Variants in TMCC1 observed in about 807,000 individuals in gnomAD.
TMCC1 encodes the protein transmembrane and coiled-coil domains protein 1.
TMCC1 carries 15 observed loss-of-function variants against 52.4 expected under a neutral mutation model. That is an observed-to-expected ratio of 0.29 (90% CI 0.19 to 0.44). The LOEUF is 0.44. Among genes scored for constraint, TMCC1 ranks in the 20% least tolerant of loss-of-function variants. TMCC1 has a pLI of 1.00. For missense variants in TMCC1, 503 were observed against 806.0 expected (o/e 0.62, Z 4.55); for synonymous variants, 279 against 301.9 (o/e 0.92, Z 0.79).
intron 4 of TMCC1, among the ~76,000 whole-genome samples, chr3:129,714,667 C>T (rs1039686999): frequency 4.6e-5 from 7 of 152,052 alleles, no homozygotes; most frequent in Admixed American, 1.3e-4. Flanking sequence ...TAAAAAGATA[C>T]CTAGATTTTT....
At chr3:129,868,991 AG>A (rs1553897321) in intron 2 of TMCC1, 1 of 152,054 alleles carries the variant, frequency 6.6e-6, no homozygotes, top group Non-Finnish European at 1.5e-5. Flanking sequence ...TAAAACCCTT[AG>A]GTTTTCCTCA....
intron 4 of TMCC1, among the ~76,000 whole-genome samples, chr3:129,770,905 G>C (rs969081527): frequency 3.9e-5 from 6 of 152,174 alleles, no homozygotes; most frequent in African/African-American, 1.4e-4. Context: ...TCCCTAAACA[G>C]TCATAATTAA....
intron 4 of TMCC1, among the ~76,000 whole-genome samples, chr3:129,769,292 C>T (rs1415369721): frequency 6.6e-6 from 1 of 152,140 alleles, no homozygotes; most frequent in African/African-American, 2.4e-5. Flanking sequence ...TGCAGTGGTG[C>T]GAACTCGGCT....
intron 6 of TMCC1, among the ~76,000 whole-genome samples, chr3:129,652,484 A>G (rs910936505): frequency 6.6e-6 from 1 of 152,204 alleles, no homozygotes; most frequent in Non-Finnish European, 1.5e-5. Context: ...GTGAAAATAG[A>G]GATCATAAGA....
chr3:129,798,007 T>C (rs1303654696), intron 4 of TMCC1, among the ~76,000 whole-genome samples: 6 of 151,228 alleles, frequency 4.0e-5, no homozygotes, highest in South Asian at 2.1e-4. Context: ...TTTTCTTTTT[T>C]TTTTTGAGAC....
intron 4 of TMCC1, among the ~76,000 whole-genome samples, chr3:129,791,315 G>A (rs1560427044): frequency 1.3e-5 from 2 of 152,022 alleles, no homozygotes; most frequent in Admixed American, 6.5e-5. Context: ...GGATGGTCTC[G>A]ATCTCCTGAC....
At chr3:129,659,261 G>A (rs2086869484) in intron 5 of TMCC1, among the ~76,000 whole-genome samples, 1 of 151,414 alleles carries the variant, frequency 6.6e-6, no homozygotes, top group African/African-American at 2.4e-5. Context: ...CACCAAGCCT[G>A]GCTATTTTTT....
intron 1 of TMCC1, among the ~76,000 whole-genome samples, chr3:129,881,000 A>C (rs1467393776): frequency 6.6e-6 from 1 of 151,936 alleles, no homozygotes; most frequent in South Asian, 2.1e-4. Context: ...AGTAGCTGGC[A>C]TAACAGGCGC....
Position 129,828,355 on chromosome 3 carries a change from C to CGT in TMCC1, c.23_24insAC (p.Leu9ArgfsTer30). 1 of 1,613,952 alleles carries CGT rather than the reference C, an allele frequency of 6.2e-7. No homozygotes were observed. The highest frequency in any genetic ancestry group is 8.5e-7 in the Non-Finnish European group (1 of 1,179,962). On this transcript the variant is annotated frameshift_variant, in exon 4 of 7. Coordinates refer to ENST00000393238, the MANE Select transcript of TMCC1 (RefSeq NM_001017395.5). LOFTEE classifies it high-confidence loss of function. This position sits in a 1 kb window ranked among gnomAD's most constrained non-coding sequence, Gnocchi z 4.1. ...CTCCAGGATCAGGGTCCTCAAATAA[C>CGT]TGTTCACTGCCCGAAGGCTCCATCA...
intron 2 of TMCC1, among the ~76,000 whole-genome samples, chr3:129,874,137 A>C (rs2061070123): frequency 1.3e-5 from 2 of 152,206 alleles, no homozygotes; most frequent in South Asian, 4.1e-4. Flanking sequence ...GATTAAAGTG[A>C]GACTTTCATT....
At chr3:129,785,884 G>A (rs900467693) in intron 4 of TMCC1, among the ~76,000 whole-genome samples, 1 of 149,650 alleles carries the variant, frequency 6.7e-6, no homozygotes, top group Non-Finnish European at 1.5e-5. Context: ...TTTACTCTTA[G>A]AAGATTAGAT....
At chr3:129,752,956 G>A (rs1165497535) in intron 4 of TMCC1, among the ~76,000 whole-genome samples, 1 of 152,100 alleles carries the variant, frequency 6.6e-6, no homozygotes, top group Non-Finnish European at 1.5e-5. Context: ...GAGAGAGACA[G>A]AAAGAGAGAA....
At chr3:129,790,729 A>T (rs1156954785) in intron 4 of TMCC1, among the ~76,000 whole-genome samples, 1 of 152,150 alleles carries the variant, frequency 6.6e-6, no homozygotes, top group Non-Finnish European at 1.5e-5. Flanking sequence ...CTCAAGAGTA[A>T]ATTTTTCTCC....
chr3:129,692,081 C>G (rs1241999225), intron 4 of TMCC1, among the ~76,000 whole-genome samples: 1 of 152,140 alleles, frequency 6.6e-6, no homozygotes, highest in Non-Finnish European at 1.5e-5. Context: ...ATTTGGCAAA[C>G]TGAGGCTAGT....
At chr3:129,835,451 C>G (rs1453604096) in intron 2 of TMCC1, among the ~76,000 whole-genome samples, 2 of 152,022 alleles carry the variant, frequency 1.3e-5, no homozygotes, top group East Asian at 3.8e-4. Flanking sequence ...GACAGATACT[C>G]TGTTTTAGAA....
rs148405861 is a variant in TMCC1, at chr3:129,708,157, T to C, written c.577-36893A>G. Among the ~76,000 whole-genome samples, 518 of 152,262 alleles carry C rather than the reference T, an allele frequency of 3.4e-3. 3 individuals are homozygous for C. The highest frequency in any genetic ancestry group is 0.012 in the African/African-American group (496 of 41,548). On this transcript the variant is annotated intron_variant, in intron 4 of 6. Coordinates refer to ENST00000393238, the MANE Select transcript of TMCC1 (RefSeq NM_001017395.5). ...TATCTTTTTATAAACAAAACAAACATTGGGATATTATCAGGAATTTCATTC... is the reference window on the plus strand; with the variant it reads ...TATCTTTTTATAAACAAAACAAACACTGGGATATTATCAGGAATTTCATTC...
At chr3:129,713,910 G>A (rs1235968951) in intron 4 of TMCC1, among the ~76,000 whole-genome samples, 1 of 151,984 alleles carries the variant, frequency 6.6e-6, no homozygotes, top group Non-Finnish European at 1.5e-5. Flanking sequence ...TGCCCATTAT[G>A]TTCCTAATAG....
At chr3:129,873,192 C>T (rs571265210) in intron 2 of TMCC1, among the ~76,000 whole-genome samples, 132 of 152,186 alleles carry the variant, frequency 8.7e-4, no homozygotes, top group African/African-American at 2.6e-3. Context: ...TGAGCCACCG[C>T]GCCCAGCCTA....
chr3:129,697,746 G>A (rs554952362), intron 4 of TMCC1, among the ~76,000 whole-genome samples: 19 of 152,264 alleles, frequency 1.2e-4, no homozygotes, highest in African/African-American at 4.6e-4. Flanking sequence ...CAGATCCTTA[G>A]GGCAGGGGCA....
Sources: gnomAD v4.1 joint callset for allele counts (sites outside exome capture counted in the v4.1 genomes callset) on GRCh38, gnomAD v4.1.1 for gene constraint, Gnocchi (gnomAD v3.1) non-coding constraint, MANE v1.5 for transcripts, NCBI Gene and HGNC (gene_info 2026-07-23, HGNC 2026-07-21) for gene names.